EYS: variants seen among roughly 807,000 people sequenced by gnomAD.
EYS encodes the protein protein eyes shut homolog.
A neutral mutation model predicts 282.1 loss-of-function variants in EYS; 250 were observed. That is an observed-to-expected ratio of 0.89 (90% confidence interval 0.80 to 0.98). The LOEUF (loss-of-function observed/expected upper bound fraction) is 0.98. EYS is among the 50% of genes least tolerant of loss of function. The probability of loss-of-function intolerance (pLI) is 0.00; values close to 1 mark genes in which losing one functional copy is unlikely to be tolerated. For missense variants in EYS, 4,016 were observed against 3,709.0 expected, an observed-to-expected ratio of 1.08 and a Z score of -2.15; for synonymous variants, 1,355 against 1,282.9, an observed-to-expected ratio of 1.06 and a Z score of -1.20.
intron 31 of EYS, among the ~76,000 whole-genome samples, chr6:64,127,428 A>G (rs1270732210): frequency 1.3e-5 from 2 of 152,186 alleles, no homozygotes; most frequent in African/African-American, 2.4e-5. Context: ...CAAAAGGTTC[A>G]GCTTTAGTTG....
chr6:65,335,815 G>A (rs954804288), intron 10 of EYS, among the ~76,000 whole-genome samples: 2 of 151,612 alleles, frequency 1.3e-5, no homozygotes, highest in African/African-American at 4.8e-5. Context: ...CATCAGAGAT[G>A]AAGTTTTCCC....
chr6:65,173,411 A>G (rs1374134205), intron 12 of EYS, among the ~76,000 whole-genome samples: 3 of 149,516 alleles, frequency 2.0e-5, no homozygotes, highest in Admixed American at 6.6e-5. Flanking sequence ...ATAAATCAAA[A>G]TAGAACGGGG....
intron 12 of EYS, among the ~76,000 whole-genome samples, chr6:65,113,701 T>G (rs1775285787): frequency 8.1e-6 from 1 of 123,272 alleles, no homozygotes; most frequent in Non-Finnish European, 1.7e-5. Flanking sequence ...CGTGGCATCT[T>G]TTAGCTGTGT....
At chr6:65,560,639 T>C (rs148657158) in intron 2 of EYS, among the ~76,000 whole-genome samples, 1,751 of 151,950 alleles carry the variant, frequency 0.012, 18 homozygotes, top group South Asian at 0.043. Context: ...TAATTCTGCA[T>C]GTCTTTCACA....
At chr6:64,042,781 C>T (rs1465786179) in intron 33 of EYS, among the ~76,000 whole-genome samples, 1 of 152,188 alleles carries the variant, frequency 6.6e-6, no homozygotes, top group Non-Finnish European at 1.5e-5. Flanking sequence ...GAGTCGACCA[C>T]GTACTTTTAG....
At chr6:64,988,931 T>G (rs1240000362) in intron 14 of EYS, among the ~76,000 whole-genome samples, 1 of 151,454 alleles carries the variant, frequency 6.6e-6, no homozygotes, top group Non-Finnish European at 1.5e-5. Context: ...TACCCTGGCT[T>G]GGCAAATCAG....
intron 31 of EYS, among the ~76,000 whole-genome samples, chr6:64,159,963 G>C (rs1775054480): frequency 6.6e-6 from 1 of 152,148 alleles, no homozygotes; most frequent in South Asian, 2.1e-4. Flanking sequence ...AGTATATAAA[G>C]TAGATTTGAT....
At chr6:65,201,180 A>G (rs1211445925) in intron 12 of EYS, among the ~76,000 whole-genome samples, 1 of 152,200 alleles carries the variant, frequency 6.6e-6, no homozygotes, top group Non-Finnish European at 1.5e-5. Context: ...AAAGGTGCAC[A>G]TAAAGATTAG....
intron 26 of EYS, among the ~76,000 whole-genome samples, chr6:64,453,047 G>T (rs1459721725): frequency 6.6e-6 from 1 of 152,124 alleles, no homozygotes; most frequent in Non-Finnish European, 1.5e-5. Flanking sequence ...CACAGCAAAA[G>T]AAACCACCAT....
intron 34 of EYS, among the ~76,000 whole-genome samples, chr6:63,988,201 A>G (rs538335079): frequency 6.6e-6 from 1 of 151,784 alleles, no homozygotes; most frequent in Admixed American, 6.6e-5. Context: ...ATCCACTGTT[A>G]CAAGACTCTG....
intron 37 of EYS, among the ~76,000 whole-genome samples, chr6:63,802,702 A>G (rs1190353325): frequency 6.6e-6 from 1 of 152,192 alleles, no homozygotes; most frequent in Non-Finnish European, 1.5e-5. Flanking sequence ...ATATTGAAAC[A>G]TCACGTTATA....
intron 13 of EYS, among the ~76,000 whole-genome samples, chr6:65,026,495 A>C (rs996565632): frequency 6.6e-6 from 1 of 152,206 alleles, no homozygotes; most frequent in African/African-American, 2.4e-5. Context: ...GCACAGATGA[A>C]TGGGCTACAA....
intron 2 of EYS, among the ~76,000 whole-genome samples, chr6:65,530,215 A>G (rs897613384): frequency 4.6e-5 from 7 of 152,126 alleles, no homozygotes; most frequent in African/African-American, 1.7e-4. Flanking sequence ...GATATTCCCA[A>G]TTATTTTGCT....
chr6:65,224,345 T>TA (rs1043212917), intron 12 of EYS, among the ~76,000 whole-genome samples: 54 of 152,022 alleles, frequency 3.6e-4, no homozygotes, highest in Non-Finnish European at 2.5e-4. Flanking sequence ...AAATTCTAAA[T>TA]AAAAAAATAT....
intron 1 of EYS, among the ~76,000 whole-genome samples, chr6:65,655,776 T>A (rs192858618): frequency 2.5e-4 from 38 of 151,964 alleles, no homozygotes; most frequent in Middle Eastern, 3.4e-3. Context: ...TTTTTATGGA[T>A]GAGCAAATAA....
chr6:63,900,229 C>T (rs772877733), intron 35 of EYS, among the ~76,000 whole-genome samples: 8 of 151,906 alleles, frequency 5.3e-5, no homozygotes, highest in Non-Finnish European at 1.0e-4. Context: ...AGAATAATAA[C>T]AATAAAAATG....
At chr6:65,470,379 A>G (rs1013253565) in intron 5 of EYS, among the ~76,000 whole-genome samples, 4 of 152,188 alleles carry the variant, frequency 2.6e-5, no homozygotes, top group African/African-American at 7.2e-5. Flanking sequence ...CCCAACATGT[A>G]GCAAGTACTC....
chr6:64,097,927 G>T (rs1417215364), intron 31 of EYS, among the ~76,000 whole-genome samples: 1 of 152,166 alleles, frequency 6.6e-6, no homozygotes, highest in Non-Finnish European at 1.5e-5. Context: ...ATGTGTTAAA[G>T]AATACCTCAT....
At chr6:64,177,615 C>G (rs1173164927) in intron 31 of EYS, among the ~76,000 whole-genome samples, 2 of 152,050 alleles carry the variant, frequency 1.3e-5, no homozygotes, top group Non-Finnish European at 2.9e-5. Context: ...TTATCCTCAT[C>G]AAATAATGTT....
Sources: allele counts gnomAD v4.1 joint callset (sites outside exome capture counted in the v4.1 genomes callset), GRCh38; gene constraint gnomAD v4.1.1; transcripts MANE v1.5; gene names NCBI Gene and HGNC (gene_info 2026-07-23, HGNC 2026-07-21).